SEC14L5: variants seen among roughly 807,000 people sequenced by gnomAD.
SEC14L5 encodes SEC14 like lipid binding 5, also known as SEC14-like protein 5.
SEC14L5 carries 96 observed loss-of-function variants against 84.6 expected under a neutral mutation model. The ratio of observed to expected loss-of-function variants is 1.13; its 90% confidence interval spans 0.96 to 1.34. SEC14L5 has a LOEUF of 1.34. SEC14L5 is among the 40% of genes most tolerant of loss of function. The probability of loss-of-function intolerance (pLI) is 0.00; values close to 1 mark genes in which losing one functional copy is unlikely to be tolerated. For synonymous variants in SEC14L5, 546 were observed against 383.4 expected, an observed-to-expected ratio of 1.42 and a Z score of -4.95; for missense variants, 1,224 against 942.5, an observed-to-expected ratio of 1.30 and a Z score of -3.91.
intron 2 of SEC14L5, among the ~76,000 whole-genome samples, chr16:4,986,231 T>C (rs1596626283): frequency 6.6e-6 from 1 of 152,040 alleles, no homozygotes; most frequent in Non-Finnish European, 1.5e-5. Context: ...CCTCTGCTTC[T>C]TGGTTTCAAG....
At chr16:4,988,405 C>G in intron 4 of SEC14L5, 125 bp downstream of exon 4, 2 of 1,235,492 alleles carry the variant, frequency 1.6e-6, no homozygotes, top group Non-Finnish European at 2.2e-6. Context: ...GGGGCATTGT[C>G]AAGAAAGATG....
chr16:5,013,630 C>T lies in SEC14L5; in HGVS notation c.1980-1229C>T, dbSNP rs112622390. Among the ~76,000 whole-genome samples, 947 of 135,004 alleles carry T rather than the reference C, an allele frequency of 7.0e-3. 12 individuals are homozygous for T. The highest frequency in any genetic ancestry group is 0.022 in the African/African-American group (816 of 36,352). The allele number at this position is 135,004 out of a possible 152,430, so 88.6% of individuals were successfully genotyped here. A position where few individuals can be genotyped will look rare whatever the true frequency, so the allele number is the denominator to read the frequency against. Reference sequence around the variant, plus strand: ...CTGGAGTACAGTGGCACGATATCTACTCACTGCAACCTCCGCCTCCTGGGT... The same window carrying T: ...CTGGAGTACAGTGGCACGATATCTATTCACTGCAACCTCCGCCTCCTGGGT... On this transcript the variant is annotated intron_variant, in intron 15 of 15. Transcript: ENST00000251170.
chr16:4,964,188 G>C (rs1190663803), intron 2 of SEC14L5, among the ~76,000 whole-genome samples: 1 of 152,298 alleles, frequency 6.6e-6, no homozygotes, highest in African/African-American at 2.4e-5. Flanking sequence ...CTTGCATAGA[G>C]GACACAAAGG....
At chr16:4,975,188 T>C (rs1291351146) in intron 2 of SEC14L5, among the ~76,000 whole-genome samples, 1 of 152,100 alleles carries the variant, frequency 6.6e-6, no homozygotes, top group Non-Finnish European at 1.5e-5. Context: ...TCCAAGTTGC[T>C]GCAAAAGACA....
At chr16:4,982,684 G>T (rs1955439542) in intron 2 of SEC14L5, among the ~76,000 whole-genome samples, 2 of 152,158 alleles carry the variant, frequency 1.3e-5, no homozygotes. Flanking sequence ...TGAGACACAC[G>T]GAGAGACTGT....
intron 2 of SEC14L5, 70 bp downstream of exon 2, chr16:4,959,456 G>T: frequency 7.6e-7 from 1 of 1,324,310 alleles, no homozygotes; most frequent in Non-Finnish European, 1.1e-6. Context: ...ATGGCGGTAG[G>T]AAGACGGAGC....
intron 4 of SEC14L5, among the ~76,000 whole-genome samples, chr16:4,989,727 G>A (rs892883546): frequency 2.0e-5 from 3 of 152,194 alleles, no homozygotes; most frequent in Admixed American, 1.3e-4. Context: ...ATCTTCTGGG[G>A]AGGGGCAAGC....
intron 2 of SEC14L5, among the ~76,000 whole-genome samples, chr16:4,987,094 C>G (rs200643449): frequency 1.3e-5 from 2 of 152,074 alleles, no homozygotes; most frequent in South Asian, 2.1e-4. Flanking sequence ...CTACCTTGTT[C>G]CTGATTTTAG....
At position 5,007,503 on chromosome 16, in the gene SEC14L5, G is replaced by A. The variant is rs370701917; in HGVS notation, c.1572+17G>A. The A allele has an allele frequency of 3.6e-5, 58 of 1,610,580 alleles. No individual in the cohort carries two copies. In the Admixed American group the frequency reaches 4.0e-4, roughly 11 times the overall value. On this transcript the variant is annotated intron_variant, in intron 13 of 15. Coordinates refer to ENST00000251170, the MANE Select transcript of SEC14L5 (RefSeq NM_014692.2). The stretch of plus-strand genomic sequence containing the variant: ...CCCCACGAGGTGCCAGGGCCTGGCC[G>A]GGGAGGGCCCGCTGAGCTGGAGTGT...
chr16:4,978,827 G>A (rs1031573870), intron 2 of SEC14L5, among the ~76,000 whole-genome samples: 3 of 152,042 alleles, frequency 2.0e-5, no homozygotes, highest in African/African-American at 4.8e-5. Flanking sequence ...GGTCTCGATC[G>A]CTTGACCTCG....
rs1180224706 is a variant in SEC14L5, at chr16:4,965,808, G to A, written c.63+6422G>A. On this transcript the variant is annotated intron_variant, in intron 2 of 15. Coordinates refer to ENST00000251170, the MANE Select transcript of SEC14L5 (RefSeq NM_014692.2). ...TGTAATCCCAGCACTTTAGGAGGCC[G>A]AAGCAGGAGGACTGCTTGAGCTGAG... Among the ~76,000 whole-genome samples, 5 of 151,880 alleles carry A rather than the reference G, an allele frequency of 3.3e-5. No individual in the cohort carries two copies. The South Asian group carries it at 6.2e-4, about 19-fold the overall frequency.
chr16:5,014,818 C>G (rs550925466), intron 15 of SEC14L5, 41 bp from the exon 16 acceptor site: 1 of 1,500,426 alleles, frequency 6.7e-7, no homozygotes, highest in Admixed American at 1.7e-5. Flanking sequence ...AGGGCCTTGT[C>G]ACTGTGAGAG....
chr16:4,964,416 G>A (rs1006968783), intron 2 of SEC14L5, among the ~76,000 whole-genome samples: 48 of 152,058 alleles, frequency 3.2e-4, no homozygotes, highest in African/African-American at 8.7e-4. Context: ...GAGAAACCCC[G>A]TCTTCCCTAA....
intron 15 of SEC14L5, 77 bp downstream of exon 15, chr16:5,011,350 G>A (rs2142535679): frequency 1.4e-6 from 2 of 1,455,468 alleles, no homozygotes; most frequent in Non-Finnish European, 9.4e-7. Flanking sequence ...CTGGCCTCCT[G>A]TCTCCCAGCT....
intron 2 of SEC14L5, among the ~76,000 whole-genome samples, chr16:4,962,170 A>AG (rs1955130461): frequency 6.6e-6 from 1 of 151,372 alleles, no homozygotes; most frequent in African/African-American, 2.4e-5. Context: ...TGTCTCAAAA[A>AG]AAAAAAAAAA....
rs546621651 is a variant in SEC14L5, at chr16:5,011,151, C to T, written c.1857C>T (p.Ser619=). 125 of 1,611,780 alleles carry T rather than the reference C, an allele frequency of 7.8e-5. No homozygotes were observed. The highest frequency in any genetic ancestry group is 1.0e-4 in the Admixed American group (6 of 59,722). Residue 619 remains serine (S), a synonymous_variant, in exon 15 of 16, where the codon AGC becomes AGT. Coordinates refer to ENST00000251170, the MANE Select transcript of SEC14L5 (RefSeq NM_014692.2). The part of the protein sequence containing the change: ...GVYLLQWQMH[S]PPSSVACSLP... Reference sequence around the variant, plus strand: ...ACCTGCTCCAGTGGCAAATGCACAGCCCCCCCAGCAGCGTGGCCTGCAGCC... The same window carrying T: ...ACCTGCTCCAGTGGCAAATGCACAGTCCCCCCAGCAGCGTGGCCTGCAGCC...
At chr16:5,010,912 GATA>G (rs1955792288) in intron 14 of SEC14L5, 180 bp from the exon 15 acceptor site, 7 of 613,288 alleles carry the variant, frequency 1.1e-5, no homozygotes, top group Non-Finnish European at 1.7e-5. Context: ...GGGATATGGG[GATA>G]ATAGCAAGGA....
chr16:5,011,519 C>G (rs1252993006), intron 15 of SEC14L5, among the ~76,000 whole-genome samples: 1 of 152,192 alleles, frequency 6.6e-6, no homozygotes, highest in African/African-American at 2.4e-5. Context: ...GGCAGAAGCT[C>G]AACTTTTTGG....
intron 15 of SEC14L5, among the ~76,000 whole-genome samples, chr16:5,014,455 G>A (rs1177751600): frequency 6.6e-6 from 1 of 152,248 alleles, no homozygotes; most frequent in Non-Finnish European, 1.5e-5. Flanking sequence ...CAGACAGCTG[G>A]GGGAGGAGAG....
Sources: allele counts gnomAD v4.1 joint callset (sites outside exome capture counted in the v4.1 genomes callset), GRCh38; gene constraint gnomAD v4.1.1; transcripts MANE v1.5; gene names NCBI Gene and HGNC (gene_info 2026-07-23, HGNC 2026-07-21).